TRPC4AP: variants seen among roughly 807,000 people sequenced by gnomAD.
TRPC4AP encodes transient receptor potential cation channel subfamily C member 4 associated protein.
In TRPC4AP, 45 loss-of-function variants were observed where a neutral mutation model predicts 99.0. The ratio of observed to expected loss-of-function variants is 0.45; its 90% confidence interval spans 0.36 to 0.58. TRPC4AP has a LOEUF of 0.58. Ranked by LOEUF, TRPC4AP falls within the 20% of genes least tolerant of loss-of-function variation. The pLI is 0.00. For missense variants in TRPC4AP, 879 were observed against 985.3 expected, an observed-to-expected ratio of 0.89 and a Z score of 1.44; for synonymous variants, 408 against 385.8, an observed-to-expected ratio of 1.06 and a Z score of -0.67.
intron 10 of TRPC4AP, 59 bp from the exon 11 acceptor site, chr20:35,013,125 C>T (rs537982840): frequency 2.0e-6 from 3 of 1,528,412 alleles, no homozygotes; most frequent in African/African-American, 2.7e-5. Context: ...CAAAATAACA[C>T]AAGCAGACAC....
chr20:35,034,831 C>T (rs2083282062), intron 8 of TRPC4AP, among the ~76,000 whole-genome samples: 2 of 152,122 alleles, frequency 1.3e-5, no homozygotes, highest in Admixed American at 1.3e-4. Flanking sequence ...AGAGAAGTTT[C>T]TAGGTTCCTA....
chr20:35,011,729 G>A (rs144795208), intron 11 of TRPC4AP, among the ~76,000 whole-genome samples: 118 of 152,266 alleles, frequency 7.7e-4, no homozygotes, highest in African/African-American at 2.6e-3. Flanking sequence ...GTCTTCCCTC[G>A]TTCAGGGGCT....
intron 13 of TRPC4AP, among the ~76,000 whole-genome samples, chr20:35,008,448 T>C (rs963306203): frequency 6.6e-6 from 1 of 152,148 alleles, no homozygotes; most frequent in Admixed American, 6.5e-5. Context: ...GAACAGGTGC[T>C]TGGTGAATGC....
chr20:35,080,382 T>TC (rs1420232757), intron 1 of TRPC4AP, among the ~76,000 whole-genome samples: 1 of 151,748 alleles, frequency 6.6e-6, no homozygotes, highest in Non-Finnish European at 1.5e-5. Context: ...ATGCCTGTAG[T>TC]CCCAGCTACT....
At chr20:35,086,510 T>C (rs2084870738) in intron 1 of TRPC4AP, among the ~76,000 whole-genome samples, 2 of 42,656 alleles carry the variant, frequency 4.7e-5, no homozygotes, top group East Asian at 6.8e-4. Context: ...TATATATATG[T>C]GTGTGTGTGT....
At chr20:35,048,229 TGAGA>T (rs2083606056) in intron 6 of TRPC4AP, among the ~76,000 whole-genome samples, 1 of 147,546 alleles carries the variant, frequency 6.8e-6, no homozygotes, top group Non-Finnish European at 1.5e-5. Context: ...TTTTTTTTTT[TGAGA>T]GGGAGTCTTG....
chr20:35,086,213 C>T (rs1037550151), intron 1 of TRPC4AP, among the ~76,000 whole-genome samples: 1 of 152,008 alleles, frequency 6.6e-6, no homozygotes, highest in Non-Finnish European at 1.5e-5. Flanking sequence ...TCTAGCTCGG[C>T]CTCCCAAAGT....
intron 1 of TRPC4AP, among the ~76,000 whole-genome samples, chr20:35,086,132 ATT>A (rs988256248): frequency 4.9e-5 from 7 of 143,916 alleles, no homozygotes; most frequent in African/African-American, 1.8e-4. Context: ...AATTTTTTGT[ATT>A]TTTAGTAAAG....
intron 17 of TRPC4AP, 115 bp downstream of exon 17, chr20:35,004,343 C>CTCCAG: frequency 2.4e-6 from 2 of 839,854 alleles, no homozygotes; most frequent in Non-Finnish European, 3.9e-6. Flanking sequence ...CTCAGAAGAG[C>CTCCAG]TGGGTCTCCA....
intron 14 of TRPC4AP, among the ~76,000 whole-genome samples, chr20:35,006,808 G>T (rs1301566378): frequency 6.6e-6 from 1 of 152,228 alleles, no homozygotes; most frequent in Non-Finnish European, 1.5e-5. Context: ...CCCTGCCCAG[G>T]GCGTACAGCT....
At chr20:35,069,500 C>G (rs1045345943) in intron 2 of TRPC4AP, 88 bp from the exon 3 acceptor site, 2 of 815,714 alleles carry the variant, frequency 2.5e-6, no homozygotes, top group Non-Finnish European at 4.1e-6. Flanking sequence ...TTAGTCCCAA[C>G]TGGAGTTCCC....
chr20:35,091,013 A>G (rs2085046981), intron 1 of TRPC4AP, among the ~76,000 whole-genome samples: 1 of 151,858 alleles, frequency 6.6e-6, no homozygotes, highest in Non-Finnish European at 1.5e-5. Flanking sequence ...TCGGTAAGGT[A>G]TCTTAGCTTA....
chr20:35,074,608 A>C (rs895462278), intron 2 of TRPC4AP, among the ~76,000 whole-genome samples: 2 of 152,132 alleles, frequency 1.3e-5, no homozygotes, highest in African/African-American at 4.8e-5. Flanking sequence ...CCTGAGTTCT[A>C]GTTTGATTGC....
At position 35,003,499 on chromosome 20, in the gene TRPC4AP, C is replaced by T. The variant is rs766186088; in HGVS notation, c.2167G>A (p.Gly723Ser). Residue 723 changes from glycine (G) to serine (S), a missense_variant, in exon 18 of 19, where the codon GGC (glycine) becomes AGC (serine). Gly to Ser is a moderately conservative substitution (Grantham distance 56). This residue lies in a region of TRPC4AP where 224 missense variants were observed against 264.7 expected (regional missense o/e 0.85). Coordinates refer to ENST00000252015, the MANE Select transcript of TRPC4AP (RefSeq NM_015638.3). ...QRMEHSKKYPGFLLNNFHNLL... is the reference protein window; with the variant it reads ...QRMEHSKKYPSFLLNNFHNLL... ...TTGTGGAAGTTGTTGAGCAGGAAGC[C>T]GGGGTACTTCTTGCTGTGCTCCATC... 1.1e-5 allele frequency: 18 copies of T among 1,614,064 alleles called. No homozygotes were observed. Among genetic ancestry groups the T allele is most frequent in the East Asian group, 2.2e-5 (1 of 44,882 alleles).
chr20:35,023,274 C>T (rs2082938044), intron 8 of TRPC4AP, among the ~76,000 whole-genome samples: 1 of 152,146 alleles, frequency 6.6e-6, no homozygotes, highest in Non-Finnish European at 1.5e-5. Flanking sequence ...ATCCATCCTC[C>T]TTTGTAAAAC....
chr20:35,047,126 G>A (rs1451957344), intron 6 of TRPC4AP, among the ~76,000 whole-genome samples: 1 of 152,184 alleles, frequency 6.6e-6, no homozygotes, highest in Non-Finnish European at 1.5e-5. Context: ...GCCTCACAAA[G>A]TGCTGGGATT....
chr20:35,044,016 T>C (rs1378713081), intron 7 of TRPC4AP, among the ~76,000 whole-genome samples: 2 of 152,168 alleles, frequency 1.3e-5, no homozygotes, highest in South Asian at 2.1e-4. Context: ...ATGAAAGGTA[T>C]GGAACTCAGT....
In TRPC4AP at chr20:35,021,337, A is replaced by G. The variant is rs772643386; in HGVS notation, c.1071T>C (p.Pro357=). 6.2e-7 allele frequency: 1 copy of G among 1,613,930 alleles called. No individual in the cohort carries two copies. The highest frequency in any genetic ancestry group is 1.3e-5 in the African/African-American group (1 of 74,938). ...GGCCATTCTCCTCAGAAGCCCCTGG[A>G]GGAGGGAACACAATGGAGGCTGACA... ...EHNQASIVFP[P]PGASEENGLP... is the part of the protein sequence containing the mutation. Residue 357 remains proline, a synonymous_variant, in exon 9 of 19, where the codon CCT becomes CCC. Transcript: ENST00000252015.
At chr20:35,004,367 G>GGAGTGGGGGACAGAAACCTGCT (rs2082470985) in intron 17 of TRPC4AP, 91 bp downstream of exon 17, 2 of 1,102,776 alleles carry the variant, frequency 1.8e-6, no homozygotes, top group Middle Eastern at 2.0e-4. Flanking sequence ...ACGCACTTCT[G>GGAGTGGGGGACAGAAACCTGCT]GAGTGGGGGA....
Sources: allele counts gnomAD v4.1 joint callset (sites outside exome capture counted in the v4.1 genomes callset), GRCh38; gene constraint gnomAD v4.1.1; regional missense constraint gnomAD v4.1.1; transcripts MANE v1.5; gene names NCBI Gene and HGNC (gene_info 2026-07-23, HGNC 2026-07-21).